Variants in FYTTD1 observed in about 807,000 individuals in gnomAD.
FYTTD1 encodes forty-two-three domain containing 1.
A neutral mutation model predicts 40.9 loss-of-function variants in FYTTD1; 22 were observed. That is an observed-to-expected ratio of 0.54 (90% CI 0.38 to 0.77). The LOEUF is 0.77. FYTTD1 is among the 30% of genes least tolerant of loss of function. The pLI, the probability that FYTTD1 is intolerant of heterozygous loss-of-function variation, is 0.00. For synonymous variants in FYTTD1, 140 were observed against 137.9 expected, an observed-to-expected ratio of 1.01 and a Z score of -0.10; for missense variants, 351 against 392.2, an observed-to-expected ratio of 0.90 and a Z score of 0.89.
intron 6 of FYTTD1, among the ~76,000 whole-genome samples, chr3:197,776,540 A>T (rs1298939641): frequency 6.6e-6 from 1 of 150,472 alleles, no homozygotes; most frequent in Non-Finnish European, 1.5e-5. Context: ...TTTTTTTTTT[A>T]CTATGTAAGC....
Position 197,783,523 on chromosome 3 carries a change from G to A in FYTTD1, c.*1614G>A, listed in dbSNP as rs766714746. The A allele has an allele frequency of 5.9e-5, 9 of 152,656 alleles. No individual in the cohort carries two copies. Among genetic ancestry groups the A allele is most frequent in the East Asian group, 1.9e-4 (1 of 5,186 alleles). 9.5% of individuals were successfully genotyped at this position (152,656 alleles called of 1,614,324 possible). ...AATATCTGATATTTTCCTGGTACTCGTACTGATAAGGGATTATTGGAAGTC... is the reference window on the plus strand; with the variant it reads ...AATATCTGATATTTTCCTGGTACTCATACTGATAAGGGATTATTGGAAGTC... On this transcript the variant is annotated 3_prime_UTR_variant, in exon 9 of 9. Coordinates refer to ENST00000241502, the MANE Select transcript of FYTTD1 (RefSeq NM_032288.7).
At chr3:197,767,179 G>A (rs1254136061) in intron 2 of FYTTD1, among the ~76,000 whole-genome samples, 3 of 151,240 alleles carry the variant, frequency 2.0e-5, no homozygotes, top group East Asian at 3.9e-4. Flanking sequence ...CTCGCTCTTC[G>A]CCCAGGCTGA....
At chr3:197,771,513 A>C (rs931449296) in intron 4 of FYTTD1, among the ~76,000 whole-genome samples, 3 of 152,146 alleles carry the variant, frequency 2.0e-5, no homozygotes, top group African/African-American at 7.2e-5. Flanking sequence ...GCGGTGGCTC[A>C]CGCCTGTAAT....
At chr3:197,749,819 G>T, upstream of FYTTD1, 1 of 476,464 alleles carries the variant, frequency 2.1e-6, no homozygotes. Context: ...AGTGTCGGTG[G>T]CCCCGCCCCG....
In FYTTD1 at chr3:197,756,920, A is replaced by G. The variant is rs146798927; in HGVS notation, c.235+363A>G. Among the ~76,000 whole-genome samples, 296 of 152,340 alleles carry G rather than the reference A, an allele frequency of 1.9e-3. 2 individuals carry two copies. Among genetic ancestry groups the G allele is most frequent in the Middle Eastern group, 3.4e-3 (1 of 294 alleles). ...GGATGACTAACTCCAGCTTAAATAT[A>G]TTCAGTGAAAGAGCATACTACCTCA... On this transcript the variant is annotated intron_variant, in intron 2 of 8. Coordinates refer to ENST00000241502, the MANE Select transcript of FYTTD1 (RefSeq NM_032288.7).
At chr3:197,780,827 G>A (rs557159194) in intron 8 of FYTTD1, among the ~76,000 whole-genome samples, 1 of 151,978 alleles carries the variant, frequency 6.6e-6, no homozygotes, top group African/African-American at 2.4e-5. Context: ...ACAGGCGTGA[G>A]CCACCATGCC....
intron 7 of FYTTD1, among the ~76,000 whole-genome samples, chr3:197,777,543 A>G (rs1217968154): frequency 6.6e-6 from 1 of 152,068 alleles, no homozygotes; most frequent in Non-Finnish European, 1.5e-5. Context: ...CTGACCCAAT[A>G]TATATATTTT....
At chr3:197,763,876 G>C (rs1410884298) in intron 2 of FYTTD1, among the ~76,000 whole-genome samples, 2 of 152,240 alleles carry the variant, frequency 1.3e-5, no homozygotes, top group African/African-American at 2.4e-5. Flanking sequence ...TCAAGAGAAA[G>C]ATGAAAATGT....
intron 7 of FYTTD1, among the ~76,000 whole-genome samples, chr3:197,777,510 GT>G (rs1275819972): frequency 5.9e-4 from 89 of 151,864 alleles, no homozygotes; most frequent in African/African-American, 2.1e-3. Context: ...AAATGCTAAG[GT>G]TACAGGTGTG....
chr3:197,750,133 G>C, intron 1 of FYTTD1, 59 bp downstream of exon 1: 1 of 1,347,384 alleles, frequency 7.4e-7, no homozygotes, highest in Non-Finnish European at 1.0e-6. Flanking sequence ...GGAAGCCGGC[G>C]GCGCGGTTTG....
chr3:197,771,466 C>G (rs2109049143), intron 4 of FYTTD1, among the ~76,000 whole-genome samples: 1 of 152,114 alleles, frequency 6.6e-6, no homozygotes, highest in Non-Finnish European at 1.5e-5. Flanking sequence ...TGTGGCAAAA[C>G]CCCATCTCTA....
intron 1 of FYTTD1, among the ~76,000 whole-genome samples, chr3:197,751,583 G>A (rs1401023761): frequency 6.6e-6 from 1 of 152,102 alleles, no homozygotes; most frequent in Non-Finnish European, 1.5e-5. Flanking sequence ...GCAGTGAGCC[G>A]ATTGCGCCAC....
At chr3:197,762,174 C>G (rs1729407617) in intron 2 of FYTTD1, among the ~76,000 whole-genome samples, 1 of 152,184 alleles carries the variant, frequency 6.6e-6, no homozygotes. Flanking sequence ...TGGAGAGTTA[C>G]AAACATTCAG....
chr3:197,758,467 G>T (rs1216371752), intron 2 of FYTTD1, among the ~76,000 whole-genome samples: 1 of 152,196 alleles, frequency 6.6e-6, no homozygotes, highest in Non-Finnish European at 1.5e-5. Context: ...AGATGGAAAA[G>T]GTAGTGTGGG....
intron 1 of FYTTD1, among the ~76,000 whole-genome samples, chr3:197,751,856 CATTAA>C (rs1729067534): frequency 2.0e-5 from 3 of 151,938 alleles, no homozygotes; most frequent in Admixed American, 6.6e-5. Context: ...CTGGACTAAG[CATTAA>C]ATTAAATTAA....
chr3:197,755,971 T>A, intron 1 of FYTTD1: 1 of 600,114 alleles, frequency 1.7e-6, no homozygotes, highest in South Asian at 2.0e-5. Flanking sequence ...GAGGCTTCTG[T>A]GATTATGGGA....
At chr3:197,759,973 G>A (rs747319305) in intron 2 of FYTTD1, among the ~76,000 whole-genome samples, 6 of 150,688 alleles carry the variant, frequency 4.0e-5, no homozygotes, top group African/African-American at 7.4e-5. Flanking sequence ...GTGGTCGAAT[G>A]TATGGAGTTC....
At position 197,782,602 on chromosome 3, in the gene FYTTD1, GGA is replaced by G. The variant is rs921656024; in HGVS notation, c.*696_*697del. On this transcript the variant is annotated 3_prime_UTR_variant, in exon 9 of 9. Transcript: ENST00000241502. ...CAAAGTTATCTGATAGGGCCTTGGA[GGA>G]GAAGGTCCAGTTTTAAAAAATGACA... 9.9e-5 allele frequency: 15 copies of G among 152,164 alleles called. No homozygotes were observed. Among genetic ancestry groups the G allele is most frequent in the African/African-American group, 3.6e-4 (15 of 41,430 alleles). 9.4% of individuals were successfully genotyped at this position (152,164 alleles called of 1,614,324 possible).
At position 197,777,844 on chromosome 3, in the gene FYTTD1, A is replaced by C. The variant is rs1458015842; in HGVS notation, c.732-494A>C. 5.3e-5 allele frequency among the ~76,000 whole-genome samples: 8 copies of C among 152,252 alleles called. No homozygotes were observed. In the East Asian group the frequency reaches 1.5e-3, roughly 29 times the overall value. ...ATTCTCCTGCCTCAGCCTCCTGAGT[A>C]GCTGGGAACATAGGCATGCACCACC... is the stretch of plus-strand genomic sequence containing the variant. On this transcript the variant is annotated intron_variant, in intron 7 of 8. Transcript: ENST00000241502.
Sources: allele counts gnomAD v4.1 joint callset (sites outside exome capture counted in the v4.1 genomes callset), GRCh38; gene constraint gnomAD v4.1.1; transcripts MANE v1.5; gene names NCBI Gene and HGNC (gene_info 2026-07-23, HGNC 2026-07-21).